Variants in SAMD12 observed in about 807,000 individuals in gnomAD.
The protein encoded by SAMD12 is sterile alpha motif domain-containing protein 12.
Under a neutral mutation model 15.0 loss-of-function variants are expected in SAMD12, and 9 were observed. The observed-to-expected ratio is 0.60, with a 90% CI of 0.36 to 1.05. The LOEUF is 1.05. Among genes scored for constraint, SAMD12 ranks in the 50% least tolerant of loss-of-function variants. The pLI, the probability that SAMD12 is intolerant of heterozygous loss-of-function variation, is 0.01. For missense variants in SAMD12, 230 were observed against 234.2 expected (o/e 0.98, Z 0.12); for synonymous variants, 86 against 90.1 (o/e 0.96, Z 0.25).
At chr8:118,232,921 T>C (rs771785259) in intron 4 of SAMD12, among the ~76,000 whole-genome samples, 5 of 152,106 alleles carry the variant, frequency 3.3e-5, no homozygotes, top group South Asian at 2.1e-4. Context: ...CCAGCTTAAA[T>C]AGACAATATT....
chr8:118,352,170 G>A (rs1287121539), intron 4 of SAMD12, among the ~76,000 whole-genome samples: 1 of 152,208 alleles, frequency 6.6e-6, no homozygotes, highest in Non-Finnish European at 1.5e-5. Flanking sequence ...CAGTAATGCT[G>A]TTGAAGCAGT....
intron 4 of SAMD12, among the ~76,000 whole-genome samples, chr8:118,218,536 C>T (rs1266569193): frequency 6.7e-6 from 1 of 149,398 alleles, no homozygotes; most frequent in Non-Finnish European, 1.5e-5. Flanking sequence ...CCACCCCTGC[C>T]ATCCCCAGCC....
chr8:118,163,297 C>T, the SAMD12 span, among the ~76,000 whole-genome samples: 1 of 152,094 alleles, frequency 6.6e-6, no homozygotes, highest in Admixed American at 6.5e-5. Flanking sequence ...CCAGTTTGGT[C>T]TCAAAATCCT....
chr8:118,269,239 TG>T, intron 4 of SAMD12, among the ~76,000 whole-genome samples: 2 of 151,230 alleles, frequency 1.3e-5, no homozygotes, highest in Non-Finnish European at 3.0e-5. Context: ...TGTGTGTGTG[TG>T]TGTGTGTGTG....
chr8:118,598,956 CTG>C (rs1471573665), intron 1 of SAMD12, among the ~76,000 whole-genome samples: 1 of 152,238 alleles, frequency 6.6e-6, no homozygotes, highest in Non-Finnish European at 1.5e-5. Flanking sequence ...AATCCCCAAA[CTG>C]TGCGATCTCT....
the SAMD12 span, among the ~76,000 whole-genome samples, chr8:118,139,770 G>C: frequency 6.6e-6 from 1 of 152,144 alleles, no homozygotes; most frequent in African/African-American, 2.4e-5. Flanking sequence ...CCTGTGGCTG[G>C]ACCCCGTATC....
chr8:118,411,313 T>G (rs1821395295), intron 3 of SAMD12, among the ~76,000 whole-genome samples: 1 of 152,182 alleles, frequency 6.6e-6, no homozygotes. Context: ...CTCCACTGCT[T>G]CCCAGCAAAC....
At chr8:118,458,868 C>T (rs531755497) in intron 2 of SAMD12, among the ~76,000 whole-genome samples, 1 of 152,154 alleles carries the variant, frequency 6.6e-6, no homozygotes, top group African/African-American at 2.4e-5. Flanking sequence ...AGTTGAAAAT[C>T]TGTAGATTTA....
intron 4 of SAMD12, among the ~76,000 whole-genome samples, chr8:118,222,229 C>A (rs752852862): frequency 6.6e-6 from 1 of 151,846 alleles, no homozygotes; most frequent in African/African-American, 2.4e-5. Context: ...GGGTTTTTTT[C>A]AAGAGCAGAA....
intron 3 of SAMD12, among the ~76,000 whole-genome samples, chr8:118,417,750 G>C (rs1300619505): frequency 6.6e-6 from 1 of 152,174 alleles, no homozygotes; most frequent in Admixed American, 6.5e-5. Flanking sequence ...AACACTGTAA[G>C]ATATAAATGG....
At chr8:118,497,739 G>GGGGGAA (rs1824665092) in intron 2 of SAMD12, among the ~76,000 whole-genome samples, 2 of 58,242 alleles carry the variant, frequency 3.4e-5, no homozygotes, top group African/African-American at 1.5e-4. Flanking sequence ...GGGGTGGGGG[G>GGGGGAA]AAAGAAAAAA....
rs1816249280 is a variant in SAMD12 at position 118,321,149 on chromosome 8, ATATATATATATAT to A, written c.433+58398_433+58410del. Among the ~76,000 whole-genome samples the A allele has an allele frequency of 6.4e-4, 8 of 12,550 alleles. 1 individual carries two copies. Among genetic ancestry groups the A allele is most frequent in the East Asian group, 6.0e-3 (6 of 996 alleles). The allele number at this position is 12,550 out of a possible 152,430, so 8.2% of individuals were successfully genotyped here. ...CATATATATCATAGATAATAAATAT[ATATATATATATAT>A]ATATATATATATATATATATATATT... On this transcript the variant is annotated intron_variant, in intron 4 of 4. Coordinates refer to the SAMD12 transcript ENST00000409003.
the SAMD12 span, among the ~76,000 whole-genome samples, chr8:118,142,427 C>T: frequency 1.2e-4 from 19 of 152,332 alleles, no homozygotes; most frequent in African/African-American, 3.6e-4. Context: ...TCAGGTTTCT[C>T]TTCTTCTGGG....
intron 4 of SAMD12, among the ~76,000 whole-genome samples, chr8:118,306,658 T>A (rs560268295): frequency 6.6e-6 from 1 of 152,314 alleles, no homozygotes; most frequent in East Asian, 1.9e-4. Flanking sequence ...TCTGCAATTT[T>A]ACATGAGCAG....
intron 2 of SAMD12, among the ~76,000 whole-genome samples, chr8:118,470,707 G>GCC (rs1320030878): frequency 4.6e-5 from 7 of 152,288 alleles, no homozygotes; most frequent in African/African-American, 1.4e-4. Context: ...CTAACACAGT[G>GCC]TCTCACATAG....
intron 1 of SAMD12, among the ~76,000 whole-genome samples, chr8:118,614,986 C>A (rs756588494): frequency 3.9e-5 from 6 of 152,164 alleles, no homozygotes; most frequent in Non-Finnish European, 8.8e-5. Context: ...TCAAAAGGAC[C>A]ATATGCAAGA....
chr8:118,571,569 G>C (rs1827011840), intron 2 of SAMD12, among the ~76,000 whole-genome samples: 1 of 152,238 alleles, frequency 6.6e-6, no homozygotes, highest in African/African-American at 2.4e-5. Context: ...GCCGGGCCCA[G>C]GGTGCCCATG....
chr8:118,377,038 T>A (rs535879157), downstream of SAMD12, among the ~76,000 whole-genome samples: 1,038 of 151,826 alleles, frequency 6.8e-3, 7 homozygotes, highest in Middle Eastern at 0.024. Context: ...CTTTTTTTTT[T>A]AAAAAAGAAA....
At chr8:118,341,132 TG>T (rs1817343739) in intron 4 of SAMD12, among the ~76,000 whole-genome samples, 1 of 152,202 alleles carries the variant, frequency 6.6e-6, no homozygotes, top group Non-Finnish European at 1.5e-5. Context: ...TTGACCTTTC[TG>T]TCTTTCTCCA....
Sources: gnomAD v4.1 joint callset for allele counts (sites outside exome capture counted in the v4.1 genomes callset) on GRCh38, gnomAD v4.1.1 for gene constraint, MANE v1.5 for transcripts, NCBI Gene and HGNC (gene_info 2026-07-23, HGNC 2026-07-21) for gene names.